The following ACYP2 variants were observed in gnomAD, a reference collection of about 807,000 sequenced individuals.
ACYP2 encodes the protein acylphosphatase-2.
A neutral mutation model predicts 11.2 loss-of-function variants in ACYP2; 12 were observed. That is an observed-to-expected ratio of 1.08 (90% CI 0.69 to 1.74). The LOEUF is 1.74. Ranked by LOEUF, ACYP2 falls within the 40% of genes most tolerant of loss-of-function variation. The pLI, the probability that ACYP2 is intolerant of heterozygous loss-of-function variation, is 0.00. For missense variants in ACYP2, 134 were observed against 101.9 expected (o/e 1.31, Z -1.35); for synonymous variants, 43 against 32.2 (o/e 1.33, Z -1.13).
chr2:54,242,998 A>G (rs371522236), intron 6 of ACYP2, among the ~76,000 whole-genome samples: 1 of 152,176 alleles, frequency 6.6e-6, no homozygotes, highest in Non-Finnish European at 1.5e-5. Context: ...TTTTCTTACC[A>G]TTATAAGAAT....
intron 2 of ACYP2, among the ~76,000 whole-genome samples, chr2:54,031,934 G>T (rs1471633804): frequency 1.3e-5 from 2 of 152,210 alleles, no homozygotes; most frequent in East Asian, 3.8e-4. Flanking sequence ...CTTTTGAGAA[G>T]TGTCTGTTCA....
At chr2:54,126,400 T>C (rs557664925) in intron 4 of ACYP2, among the ~76,000 whole-genome samples, 16 of 152,122 alleles carry the variant, frequency 1.1e-4, no homozygotes, top group East Asian at 1.9e-4. Context: ...TTTGATGAGA[T>C]TGATCAAAAA....
intron 6 of ACYP2, among the ~76,000 whole-genome samples, chr2:54,203,983 TTTG>T (rs896182194): frequency 2.0e-5 from 3 of 151,988 alleles, no homozygotes; most frequent in South Asian, 2.1e-4. Flanking sequence ...TTATGAGGTT[TTTG>T]TTGTTGTTGT....
chr2:54,054,996 C>A (rs534191906), intron 3 of ACYP2, among the ~76,000 whole-genome samples: 3 of 152,124 alleles, frequency 2.0e-5, no homozygotes, highest in Non-Finnish European at 4.4e-5. Flanking sequence ...AACTTTTCCT[C>A]ATATAAAAAA....
At chr2:54,271,642 C>T (rs1216948090) in intron 6 of ACYP2, among the ~76,000 whole-genome samples, 2 of 151,912 alleles carry the variant, frequency 1.3e-5, no homozygotes, top group African/African-American at 4.8e-5. Context: ...GAGTGATAAC[C>T]CCAGTCCTTC....
intron 6 of ACYP2, among the ~76,000 whole-genome samples, chr2:54,227,437 G>A (rs781381405): frequency 5.9e-5 from 9 of 151,878 alleles, no homozygotes; most frequent in Non-Finnish European, 7.4e-5. Flanking sequence ...TCAGGAGATC[G>A]AGACCATCCT....
intron 6 of ACYP2, among the ~76,000 whole-genome samples, chr2:54,266,536 A>G (rs1688025757): frequency 6.7e-6 from 1 of 149,392 alleles, no homozygotes; most frequent in Non-Finnish European, 1.5e-5. Context: ...ATATATAGAT[A>G]TAGATATAGC....
intron 6 of ACYP2, among the ~76,000 whole-genome samples, chr2:54,181,595 C>A (rs1359919892): frequency 6.6e-6 from 1 of 152,146 alleles, no homozygotes; most frequent in Non-Finnish European, 1.5e-5. Flanking sequence ...TACATATAAT[C>A]TGAATTCTGT....
intron 2 of ACYP2, chr2:53,975,315 C>T (rs1558446478): frequency 1.3e-5 from 5 of 397,976 alleles, no homozygotes; most frequent in Admixed American, 8.8e-5. Flanking sequence ...GAAGAATTTA[C>T]GGGAGCAAGC....
Position 54,185,004 on chromosome 2 carries a change from C to G in ACYP2, c.404+46256C>G, listed in dbSNP as rs556805258. Among the ~76,000 whole-genome samples, 342 of 152,166 alleles carry G rather than the reference C, an allele frequency of 2.2e-3. 1 individual carries two copies. The highest frequency in any genetic ancestry group is 3.7e-3 in the Non-Finnish European group (252 of 67,988). ...GGGATTACAGGTGCCCACCACCACG[C>G]CTGGCTTATTTTTTGTATTTTTAGT... On this transcript the variant is annotated intron_variant, in intron 6 of 6. Transcript: ENST00000607452.
chr2:54,167,884 T>C (rs1020763176), intron 6 of ACYP2, among the ~76,000 whole-genome samples: 1 of 152,302 alleles, frequency 6.6e-6, no homozygotes, highest in Admixed American at 6.5e-5. Context: ...GTTTGGAATA[T>C]TTTGATAAGT....
At chr2:54,135,524 A>G (rs1052584387) in intron 5 of ACYP2, 55 bp downstream of exon 2, 5 of 1,524,756 alleles carry the variant, frequency 3.3e-6, no homozygotes, top group Admixed American at 1.7e-5. Flanking sequence ...GTTATTCCCA[A>G]TTACAGAGAT....
At chr2:54,100,217 C>T (rs1426681683) in intron 4 of ACYP2, among the ~76,000 whole-genome samples, 1 of 151,450 alleles carries the variant, frequency 6.6e-6, no homozygotes, top group Non-Finnish European at 1.5e-5. Context: ...AAAAACTACT[C>T]TTTTCTTTCC....
At chr2:54,037,652 C>T (rs1203065708) in intron 2 of ACYP2, among the ~76,000 whole-genome samples, 1 of 152,130 alleles carries the variant, frequency 6.6e-6, no homozygotes, top group African/African-American at 2.4e-5. Context: ...AAGTGATCCT[C>T]CCCCCTCACC....
chr2:54,054,349 T>C (rs139086192), intron 3 of ACYP2, among the ~76,000 whole-genome samples: 1 of 152,362 alleles, frequency 6.6e-6, no homozygotes, highest in East Asian at 1.9e-4. Context: ...GGTTCTTCTT[T>C]TGCTTCTTTC....
chr2:54,017,809 CAG>C (rs141247621), intron 2 of ACYP2, among the ~76,000 whole-genome samples: 7,075 of 152,094 alleles, frequency 0.047, 222 homozygotes, highest in Non-Finnish European at 0.06. Context: ...GTTTGGTAGT[CAG>C]GGGTGAGTGG....
chr2:54,253,428 G>A (rs1260331597), intron 6 of ACYP2: 1 of 151,926 alleles, frequency 6.6e-6, no homozygotes, highest in Non-Finnish European at 1.5e-5. Context: ...TAAACAGAAA[G>A]AGAAAATATT....
chr2:54,297,226 G>C (rs1689557103), intron 6 of ACYP2, among the ~76,000 whole-genome samples: 1 of 148,182 alleles, frequency 6.7e-6, no homozygotes, highest in Non-Finnish European at 1.5e-5. Flanking sequence ...GAGTGCAGTG[G>C]CTCACACCTG....
intron 6 of ACYP2, among the ~76,000 whole-genome samples, chr2:54,297,032 C>T (rs1240698285): frequency 6.6e-6 from 1 of 152,034 alleles, no homozygotes; most frequent in African/African-American, 2.4e-5. Flanking sequence ...ATTGAGTAAG[C>T]TAAACTAATA....
Sources: gnomAD v4.1 joint callset for allele counts (sites outside exome capture counted in the v4.1 genomes callset) on GRCh38, gnomAD v4.1.1 for gene constraint, MANE v1.5 for transcripts, NCBI Gene and HGNC (gene_info 2026-07-23, HGNC 2026-07-21) for gene names.